Variants in CDH18 observed in about 807,000 individuals in gnomAD.
CDH18 encodes the protein cadherin 18.
CDH18 carries 31 observed loss-of-function variants against 67.9 expected under a neutral mutation model. The observed-to-expected ratio is 0.46, with a 90% CI of 0.34 to 0.62. The LOEUF is 0.62. Among genes scored for constraint, CDH18 ranks in the 20% least tolerant of loss-of-function variants. CDH18 has a pLI of 0.01. For missense variants in CDH18, 890 were observed against 975.5 expected, an observed-to-expected ratio of 0.91 and a Z score of 1.17; for synonymous variants, 362 against 347.2, an observed-to-expected ratio of 1.04 and a Z score of -0.48.
intron 10 of CDH18, among the ~76,000 whole-genome samples, chr5:19,519,187 A>T (rs76366883): frequency 6.6e-6 from 1 of 152,142 alleles, no homozygotes; most frequent in Non-Finnish European, 1.5e-5. Flanking sequence ...TAAATGTATT[A>T]TGTCTAGAGT....
At chr5:20,379,721 T>G (rs1018751685) in intron 1 of CDH18, among the ~76,000 whole-genome samples, 2 of 152,148 alleles carry the variant, frequency 1.3e-5, no homozygotes, top group Middle Eastern at 6.8e-3. Flanking sequence ...AGATTCAGCA[T>G]GTAGCCATTA....
chr5:20,062,306 C>A (rs766304158), intron 2 of CDH18, among the ~76,000 whole-genome samples: 1 of 151,796 alleles, frequency 6.6e-6, no homozygotes, highest in South Asian at 2.1e-4. Flanking sequence ...TAGGCATGTG[C>A]CATCATGCCT....
chr5:19,733,303 T>G lies in CDH18; in HGVS notation c.524-11837A>C, dbSNP rs562695322. Among the ~76,000 whole-genome samples the G allele has an allele frequency of 4.6e-5, 7 of 152,286 alleles. No individual in the cohort carries two copies. In the East Asian group the frequency reaches 9.7e-4, roughly 21 times the overall value. On this transcript the variant is annotated intron_variant, in intron 4 of 12. Coordinates refer to ENST00000382275, the MANE Select transcript of CDH18 (RefSeq NM_004934.5). The stretch of plus-strand genomic sequence containing the variant: ...ACATATACCTACCCTTTCCTAATTG[T>G]TTTTACACTGTTCCCACCTTTGACT...
At chr5:20,249,613 G>A (rs549778706) in intron 2 of CDH18, among the ~76,000 whole-genome samples, 4 of 151,862 alleles carry the variant, frequency 2.6e-5, no homozygotes, top group Admixed American at 2.6e-4. Context: ...CTCCTGATCC[G>A]CCCGCCTCGG....
At chr5:19,710,238 T>A (rs1266061294) in intron 5 of CDH18, among the ~76,000 whole-genome samples, 2 of 152,084 alleles carry the variant, frequency 1.3e-5, no homozygotes, top group African/African-American at 2.4e-5. Context: ...TTTTGAGAAA[T>A]AAAATAAGAC....
At chr5:19,839,858 T>C (rs1489526540) in intron 2 of CDH18, among the ~76,000 whole-genome samples, 1 of 152,150 alleles carries the variant, frequency 6.6e-6, no homozygotes, top group African/African-American at 2.4e-5. Context: ...ATTACTAGGC[T>C]TGATTTCTAG....
intron 1 of CDH18, among the ~76,000 whole-genome samples, chr5:20,323,922 T>C (rs968393276): frequency 5.3e-5 from 8 of 152,368 alleles, no homozygotes; most frequent in African/African-American, 1.7e-4. Context: ...ATATTCTATG[T>C]AAATGTTTGT....
intron 2 of CDH18, among the ~76,000 whole-genome samples, chr5:20,057,184 G>A (rs924842970): frequency 3.3e-5 from 5 of 151,966 alleles, no homozygotes; most frequent in African/African-American, 1.2e-4. Context: ...ATAAATATTT[G>A]TTCAGCATGC....
intron 5 of CDH18, among the ~76,000 whole-genome samples, chr5:19,661,183 T>A (rs772724175): frequency 1.3e-5 from 2 of 152,040 alleles, no homozygotes; most frequent in Non-Finnish European, 2.9e-5. Context: ...TATTTTCTGA[T>A]CCCTTTAATT....
At chr5:19,692,659 A>T (rs1305258987) in intron 5 of CDH18, among the ~76,000 whole-genome samples, 1 of 151,996 alleles carries the variant, frequency 6.6e-6, no homozygotes, top group African/African-American at 2.4e-5. Context: ...TCAGGGAAAT[A>T]CAAATCAAAA....
At chr5:19,604,798 TTTC>T (rs1747767212) in intron 6 of CDH18, among the ~76,000 whole-genome samples, 1 of 152,082 alleles carries the variant, frequency 6.6e-6, no homozygotes, top group Admixed American at 6.6e-5. Flanking sequence ...ATACATTCTG[TTTC>T]TATGTGTCAA....
chr5:20,434,170 G>A (rs1250771251), intron 1 of CDH18, among the ~76,000 whole-genome samples: 1 of 152,022 alleles, frequency 6.6e-6, no homozygotes, highest in Non-Finnish European at 1.5e-5. Context: ...ATCTGATATT[G>A]TTACAAATAC....
At chr5:20,522,872 C>T (rs1024649526) in intron 1 of CDH18, among the ~76,000 whole-genome samples, 18 of 152,102 alleles carry the variant, frequency 1.2e-4, no homozygotes, top group African/African-American at 4.3e-4. Context: ...AATAAAAATC[C>T]AATAACTCAC....
chr5:19,515,509 C>T (rs1042090874), intron 10 of CDH18, among the ~76,000 whole-genome samples: 3 of 152,058 alleles, frequency 2.0e-5, no homozygotes, highest in Non-Finnish European at 4.4e-5. Flanking sequence ...TGTTTGTATC[C>T]TCTTTGTTTC....
intron 1 of CDH18, among the ~76,000 whole-genome samples, chr5:20,538,824 T>A (rs1301576053): frequency 6.6e-6 from 1 of 151,724 alleles, no homozygotes; most frequent in African/African-American, 2.4e-5. Flanking sequence ...TCACTTCTAT[T>A]GTGGAATACT....
At chr5:20,118,328 T>C (rs1748087297) in intron 2 of CDH18, among the ~76,000 whole-genome samples, 1 of 152,156 alleles carries the variant, frequency 6.6e-6, no homozygotes, top group African/African-American at 2.4e-5. Flanking sequence ...AGCATCTATT[T>C]ATAGCTATTA....
intron 2 of CDH18, among the ~76,000 whole-genome samples, chr5:19,924,503 A>G (rs1792878772): frequency 6.6e-6 from 1 of 151,908 alleles, no homozygotes; most frequent in South Asian, 2.1e-4. Context: ...GCAGGCGCCT[A>G]TAATCCCAGC....
intron 2 of CDH18, among the ~76,000 whole-genome samples, chr5:20,222,251 T>A (rs556575023): frequency 2.6e-5 from 4 of 152,152 alleles, no homozygotes; most frequent in Non-Finnish European, 5.9e-5. Flanking sequence ...AATGTCACTG[T>A]TTAAACAAAA....
chr5:20,253,965 A>G (rs1262725095), intron 2 of CDH18, among the ~76,000 whole-genome samples: 1 of 152,180 alleles, frequency 6.6e-6, no homozygotes, highest in Non-Finnish European at 1.5e-5. Context: ...CAAGTTCATC[A>G]CAAAAGAAAA....
Sources: allele counts gnomAD v4.1 joint callset (sites outside exome capture counted in the v4.1 genomes callset), GRCh38; gene constraint gnomAD v4.1.1; transcripts MANE v1.5; gene names NCBI Gene and HGNC (gene_info 2026-07-23, HGNC 2026-07-21).